The following SDK1 variants were observed in gnomAD, a reference collection of about 807,000 sequenced individuals.
SDK1 encodes protein sidekick-1.
SDK1 carries 157 observed loss-of-function variants against 245.5 expected under a neutral mutation model. The ratio of observed to expected loss-of-function variants is 0.64; its 90% CI spans 0.56 to 0.73. The LOEUF is 0.73. Ranked by LOEUF, SDK1 falls within the 30% of genes least tolerant of loss-of-function variation. SDK1 has a pLI of 0.00. For missense variants in SDK1, 3,583 were observed against 3,002.3 expected, an observed-to-expected ratio of 1.19 and a Z score of -4.52; for synonymous variants, 1,647 against 1,278.5, an observed-to-expected ratio of 1.29 and a Z score of -6.15.
chr7:3,592,880 T>C (rs1212799122), intron 1 of SDK1, among the ~76,000 whole-genome samples: 2 of 152,242 alleles, frequency 1.3e-5, no homozygotes, highest in South Asian at 2.1e-4. Flanking sequence ...CTGATTAATA[T>C]GTGAAAGTGA....
intron 4 of SDK1, among the ~76,000 whole-genome samples, chr7:3,682,238 G>C (rs987560789): frequency 6.6e-6 from 1 of 152,186 alleles, no homozygotes; most frequent in African/African-American, 2.4e-5. Flanking sequence ...GGAGGCACCA[G>C]AAAATGGGAC....
At chr7:4,176,704 C>T (rs984457475) in intron 34 of SDK1, among the ~76,000 whole-genome samples, 2 of 152,206 alleles carry the variant, frequency 1.3e-5, no homozygotes, top group African/African-American at 4.8e-5. Context: ...GATTTGACGA[C>T]TCTGGGGACC....
rs916131577 is a variant in SDK1, at chr7:4,266,452, C to A, written c.*1068C>A. On this transcript the variant is annotated 3_prime_UTR_variant, in exon 45 of 45. Coordinates refer to ENST00000404826, the MANE Select transcript of SDK1 (RefSeq NM_152744.4). ...GTGCACACCAGGCCGTCCCCTCCCT[C>A]TGTCCTGGCTTCTGCTGGCTGCTCG... 1.0e-6 allele frequency: 1 copy of A among 985,428 alleles called. No individual in the cohort carries two copies. Among genetic ancestry groups the A allele is most frequent in the Non-Finnish European group, 1.2e-6 (1 of 829,914 alleles). The allele number at this position is 985,428 out of a possible 1,614,324, so 61.0% of individuals were successfully genotyped here.
intron 20 of SDK1, among the ~76,000 whole-genome samples, chr7:4,069,263 A>G (rs1356416151): frequency 6.6e-6 from 1 of 152,178 alleles, no homozygotes; most frequent in African/African-American, 2.4e-5. Flanking sequence ...GTGGCTGCCC[A>G]CTGCCTGGCC....
At chr7:3,534,786 A>G (rs566373390) in intron 1 of SDK1, among the ~76,000 whole-genome samples, 25 of 152,320 alleles carry the variant, frequency 1.6e-4, no homozygotes, top group African/African-American at 4.8e-4. Context: ...TTTCCTTTCT[A>G]ACAGAAAAAT....
intron 1 of SDK1, among the ~76,000 whole-genome samples, chr7:3,383,401 CCT>C (rs1781537657): frequency 6.6e-6 from 1 of 152,026 alleles, no homozygotes; most frequent in African/African-American, 2.4e-5. Flanking sequence ...ACAGCGAGAC[CCT>C]GTTTCTATTA....
chr7:3,639,987 C>G lies in SDK1; in HGVS notation c.565+877C>G, dbSNP rs191133622. On this transcript the variant is annotated intron_variant, in intron 3 of 44. Coordinates refer to ENST00000404826, the MANE Select transcript of SDK1 (RefSeq NM_152744.4). ...TCAGCCTCCCGAGTAGCTAGGACCA[C>G]AGGTGTGTGCCACCATGCCTGGCTA... Among the ~76,000 whole-genome samples, 188 of 152,208 alleles carry G rather than the reference C, an allele frequency of 1.2e-3. 1 individual carries two copies. Among genetic ancestry groups the G allele is most frequent in the Non-Finnish European group, 5.0e-4 (34 of 68,006 alleles).
At chr7:4,043,684 C>T (rs1258159320) in intron 17 of SDK1, among the ~76,000 whole-genome samples, 1 of 152,228 alleles carries the variant, frequency 6.6e-6, no homozygotes, top group Non-Finnish European at 1.5e-5. Context: ...CAGACGTCCT[C>T]TTGAATCTGC....
intron 13 of SDK1, among the ~76,000 whole-genome samples, chr7:3,978,703 C>G (rs1010699741): frequency 3.3e-5 from 5 of 152,072 alleles, no homozygotes; most frequent in South Asian, 2.1e-4. Context: ...GGGTAACTTT[C>G]AAACTGAGCT....
chr7:3,554,678 C>A (rs1345120294), intron 1 of SDK1, among the ~76,000 whole-genome samples: 1 of 152,178 alleles, frequency 6.6e-6, no homozygotes, highest in Non-Finnish European at 1.5e-5. Context: ...AGATAGTCTT[C>A]AATCACCTAG....
intron 35 of SDK1, 100 bp downstream of exon 35, chr7:4,178,686 T>C: frequency 1.2e-6 from 1 of 812,800 alleles, no homozygotes; most frequent in Admixed American, 1.9e-5. Context: ...CCAGCAGCGT[T>C]CTTTCTCCTT....
chr7:3,519,484 TAAC>T (rs1199574661), intron 1 of SDK1, among the ~76,000 whole-genome samples: 3 of 152,058 alleles, frequency 2.0e-5, no homozygotes, highest in African/African-American at 2.4e-5. Context: ...GAAATAAGAG[TAAC>T]AACAATAATA....
intron 1 of SDK1, among the ~76,000 whole-genome samples, chr7:3,489,403 G>C (rs1002963870): frequency 6.6e-6 from 1 of 152,116 alleles, no homozygotes; most frequent in African/African-American, 2.4e-5. Flanking sequence ...TTGCTGCAGC[G>C]CTGAAAATTA....
At chr7:3,564,862 C>T (rs1050889593) in intron 1 of SDK1, among the ~76,000 whole-genome samples, 2 of 151,906 alleles carry the variant, frequency 1.3e-5, no homozygotes, top group East Asian at 1.9e-4. Flanking sequence ...AATGAAACCT[C>T]GATTACAGTA....
At chr7:3,537,225 A>G (rs749132123) in intron 1 of SDK1, among the ~76,000 whole-genome samples, 14 of 152,208 alleles carry the variant, frequency 9.2e-5, no homozygotes, top group Non-Finnish European at 1.6e-4. Context: ...GGAACTATGC[A>G]CTCTTGTGTC....
At chr7:4,188,233 A>G (rs1783000833) in intron 35 of SDK1, among the ~76,000 whole-genome samples, 1 of 152,248 alleles carries the variant, frequency 6.6e-6, no homozygotes, top group Non-Finnish European at 1.5e-5. Flanking sequence ...GCTAGTTGCT[A>G]CAGCCAACGT....
At chr7:3,373,358 G>A (rs1368404292) in intron 1 of SDK1, among the ~76,000 whole-genome samples, 1 of 152,204 alleles carries the variant, frequency 6.6e-6, no homozygotes, top group African/African-American at 2.4e-5. Flanking sequence ...TTGAAAAATT[G>A]CAAGTCAGGT....
At chr7:4,059,940 C>T (rs1482298009) in intron 19 of SDK1, among the ~76,000 whole-genome samples, 2 of 148,466 alleles carry the variant, frequency 1.3e-5, no homozygotes, top group African/African-American at 2.5e-5. Flanking sequence ...AGTGCAGTGG[C>T]GCAGTCTCGG....
At chr7:3,373,122 T>C (rs1388829744) in intron 1 of SDK1, among the ~76,000 whole-genome samples, 1 of 152,210 alleles carries the variant, frequency 6.6e-6, no homozygotes, top group Non-Finnish European at 1.5e-5. Flanking sequence ...TATAAACTGA[T>C]AAGCTGAAAA....
Sources: allele counts gnomAD v4.1 joint callset (sites outside exome capture counted in the v4.1 genomes callset), GRCh38; gene constraint gnomAD v4.1.1; transcripts MANE v1.5; gene names NCBI Gene and HGNC (gene_info 2026-07-23, HGNC 2026-07-21).